ADAM17: variants seen among roughly 807,000 people sequenced by gnomAD.
ADAM17 encodes the protein ADAM metallopeptidase domain 17, also known as disintegrin and metalloproteinase domain-containing protein 17.
In ADAM17, 39 loss-of-function variants were observed where a neutral mutation model predicts 96.7. The ratio of observed to expected loss-of-function variants is 0.40; its 90% confidence interval spans 0.31 to 0.53. The LOEUF (loss-of-function observed/expected upper bound fraction) is 0.53. Ranked by LOEUF, ADAM17 falls within the 20% of genes least tolerant of loss-of-function variation. The probability of loss-of-function intolerance (pLI) is 0.44; values close to 1 mark genes in which losing one functional copy is unlikely to be tolerated. For missense variants in ADAM17, 777 were observed against 1,013.2 expected, an observed-to-expected ratio of 0.77 and a Z score of 3.17; for synonymous variants, 344 against 359.2, an observed-to-expected ratio of 0.96 and a Z score of 0.48.
intron 14 of ADAM17, among the ~76,000 whole-genome samples, chr2:9,495,608 G>C (rs1219215252): frequency 6.6e-6 from 1 of 151,850 alleles, no homozygotes; most frequent in East Asian, 1.9e-4. Flanking sequence ...CAGCTACTCA[G>C]GAGGCTGAGG....
chr2:9,496,813 C>G (rs1662641677), intron 14 of ADAM17, among the ~76,000 whole-genome samples: 1 of 152,182 alleles, frequency 6.6e-6, no homozygotes, highest in South Asian at 2.1e-4. Context: ...GGCTAGGACA[C>G]ACCTCTACCT....
intron 3 of ADAM17, among the ~76,000 whole-genome samples, chr2:9,536,291 G>A (rs1014036035): frequency 3.3e-5 from 5 of 151,754 alleles, no homozygotes; most frequent in African/African-American, 4.8e-5. Flanking sequence ...TTTTCTCATT[G>A]CAGAAAAAGG....
At chr2:9,507,272 C>T (rs530453393) in intron 11 of ADAM17, among the ~76,000 whole-genome samples, 205 of 152,278 alleles carry the variant, frequency 1.3e-3, no homozygotes, top group Admixed American at 2.4e-3. Context: ...GGTGGATCAC[C>T]TGAGGTCAGG....
chr2:9,506,893 C>T (rs1663440048), intron 11 of ADAM17: 1 of 152,132 alleles, frequency 6.6e-6, no homozygotes, highest in Non-Finnish European at 1.5e-5. Context: ...ATAAAAGGAC[C>T]AACCCGCAAC....
chr2:9,490,824 A>T (rs1662072868), intron 18 of ADAM17, among the ~76,000 whole-genome samples: 1 of 152,212 alleles, frequency 6.6e-6, no homozygotes, highest in African/African-American at 2.4e-5. Context: ...CCCAAGAGAG[A>T]AATTGAACTC....
chr2:9,538,529 T>C (rs1327549346), intron 2 of ADAM17, among the ~76,000 whole-genome samples: 1 of 152,204 alleles, frequency 6.6e-6, no homozygotes, highest in Non-Finnish European at 1.5e-5. Context: ...TTCCCTCCAG[T>C]TATGCTGAGA....
At chr2:9,511,323 G>C (rs765922095) in intron 10 of ADAM17, among the ~76,000 whole-genome samples, 1 of 152,150 alleles carries the variant, frequency 6.6e-6, no homozygotes, top group South Asian at 2.1e-4. Context: ...GGTGGCGCAC[G>C]CCTGTAATCC....
At chr2:9,513,706 A>G (rs989721445) in intron 10 of ADAM17, among the ~76,000 whole-genome samples, 1 of 152,104 alleles carries the variant, frequency 6.6e-6, no homozygotes, top group African/African-American at 2.4e-5. Flanking sequence ...TTCCCCTAAA[A>G]CAAAGTACCA....
chr2:9,526,558 G>A lies in ADAM17; in HGVS notation c.620-314C>T, dbSNP rs573990665. Among the ~76,000 whole-genome samples, 6 of 152,250 alleles carry A rather than the reference G, an allele frequency of 3.9e-5. No homozygotes were observed. The East Asian group carries it at 9.7e-4, about 25-fold the overall frequency. The stretch of plus-strand genomic sequence containing the variant: ...GGCCTGTAATCCCAGCACTTTGCGA[G>A]GCCAAGGTGGGTGAATCACCTGAGG... On this transcript the variant is annotated intron_variant, in intron 5 of 18. Transcript: ENST00000310823.
chr2:9,553,639 C>A (rs1173747658), intron 1 of ADAM17, among the ~76,000 whole-genome samples: 1 of 145,010 alleles, frequency 6.9e-6, no homozygotes. Flanking sequence ...GACGCCATTG[C>A]ACTCCAGCCT....
At chr2:9,496,642 C>G (rs1235386097) in intron 14 of ADAM17, 1 of 156,262 alleles carries the variant, frequency 6.4e-6, no homozygotes, top group Non-Finnish European at 1.4e-5. Context: ...GGGGAGCAGA[C>G]CCAGCCTTCT....
chr2:9,522,628 AAT>A (rs1463151301), intron 7 of ADAM17, among the ~76,000 whole-genome samples: 4 of 152,224 alleles, frequency 2.6e-5, no homozygotes, highest in Middle Eastern at 3.2e-3. Context: ...CTTGGAAAAA[AAT>A]AGAGATAACA....
Position 9,538,450 on chromosome 2 carries a change from G to A in ADAM17, c.231-1622C>T, listed in dbSNP as rs557524053. Among the ~76,000 whole-genome samples the A allele has an allele frequency of 5.0e-4, 76 of 152,278 alleles. No homozygotes were observed. In the South Asian group the frequency reaches 5.4e-3, roughly 11 times the overall value. On this transcript the variant is annotated intron_variant, in intron 2 of 18. Transcript: ENST00000310823. ...GGAAAAGACAATAGAACATTATTTC[G>A]TAAATCCTTGGAACATTTTCTTCTG...
intron 4 of ADAM17, among the ~76,000 whole-genome samples, chr2:9,532,231 A>T (rs1664774900): frequency 6.6e-6 from 1 of 152,038 alleles, no homozygotes; most frequent in East Asian, 1.9e-4. Flanking sequence ...GTAAAGAATT[A>T]TTTTTTTTCA....
chr2:9,526,829 G>C (rs1664551077), intron 5 of ADAM17, among the ~76,000 whole-genome samples: 1 of 152,122 alleles, frequency 6.6e-6, no homozygotes, highest in African/African-American at 2.4e-5. Flanking sequence ...GTGCTCAACA[G>C]AGTAAAACAG....
At chr2:9,527,283 C>CAAAGAAAACA (rs34163664) in intron 5 of ADAM17, among the ~76,000 whole-genome samples, 92 of 150,236 alleles carry the variant, frequency 6.1e-4, no homozygotes, top group Middle Eastern at 3.5e-3. Flanking sequence ...GATCGCGCTG[C>CAAAGAAAACA]AAACAAAACA....
intron 4 of ADAM17, among the ~76,000 whole-genome samples, chr2:9,529,776 A>G (rs1313994793): frequency 6.6e-6 from 1 of 152,122 alleles, no homozygotes; most frequent in African/African-American, 2.4e-5. Flanking sequence ...GTTCGAGAAC[A>G]GCCTGACCAA....
At chr2:9,521,544 C>T in intron 7 of ADAM17, 1 of 210,424 alleles carries the variant, frequency 4.8e-6, no homozygotes, top group Non-Finnish European at 9.4e-6. Flanking sequence ...TATAAATGTA[C>T]TCTTAAATTT....
Position 9,555,667 on chromosome 2 carries a change from A to G in ADAM17, c.-62T>C. On this transcript the variant is annotated 5_prime_UTR_variant, in exon 1 of 19. Transcript: ENST00000310823. ...AGCCTTCGCCTGACGGGGTTTCGGAAAACTGCTCACATCGGGGGAGGACGG... is the reference window on the plus strand; with the variant it reads ...AGCCTTCGCCTGACGGGGTTTCGGAGAACTGCTCACATCGGGGGAGGACGG... The G allele has an allele frequency of 7.2e-7, 1 of 1,388,894 alleles. No individual in the cohort carries two copies. Among genetic ancestry groups the G allele is most frequent in the Non-Finnish European group, 9.7e-7 (1 of 1,025,722 alleles). 86.0% of individuals were successfully genotyped at this position (1,388,894 alleles called of 1,614,324 possible).
Sources: gnomAD v4.1 joint callset for allele counts (sites outside exome capture counted in the v4.1 genomes callset) on GRCh38, gnomAD v4.1.1 for gene constraint, MANE v1.5 for transcripts, NCBI Gene and HGNC (gene_info 2026-07-23, HGNC 2026-07-21) for gene names.